Variants in TRMT2A observed in about 807,000 individuals in gnomAD.
The protein encoded by TRMT2A is tRNA methyltransferase 2A, also known as tRNA (uracil-5-)-methyltransferase homolog A.
A neutral mutation model predicts 59.3 loss-of-function variants in TRMT2A; 60 were observed. The ratio of observed to expected loss-of-function variants is 1.01; its 90% CI spans 0.82 to 1.26. TRMT2A has a LOEUF of 1.26. Among genes scored for constraint, TRMT2A ranks in the 50% most tolerant of loss-of-function variants. TRMT2A has a pLI of 0.00. For synonymous variants in TRMT2A, 403 were observed against 353.7 expected (o/e 1.14, Z -1.56); for missense variants, 863 against 845.2 (o/e 1.02, Z -0.26).
rs1416254407 is a variant in TRMT2A, at chr22:20,112,653, C to T, written c.1788G>A (p.Gly596=). ...CTGGAGGGCTGTGGGGCCCCAAGAC[C>T]CCTGTGCCATTGGGGTGCTCCACCC... The part of the protein sequence containing the change: ...FERVEHPNGT[G]VLGPHSPPAQ... The change falls in exon 12 of 12, where the codon GGG becomes GGA. Residue 596 remains glycine (G), a synonymous_variant. Transcript: ENST00000252136. The T allele has an allele frequency of 4.3e-6, 7 of 1,613,984 alleles. No individual in the cohort carries two copies. The highest frequency in any genetic ancestry group is 1.7e-5 in the Admixed American group (1 of 59,998).
intron 2 of TRMT2A, 79 bp from the exon 3 acceptor site, chr22:20,115,859 C>T (rs1308021086): frequency 6.9e-7 from 1 of 1,438,898 alleles, no homozygotes; most frequent in Non-Finnish European, 9.4e-7. Flanking sequence ...AATGTCCAGG[C>T]TCCTGACCCC....
At chr22:20,113,081 C>T (rs775889024) in intron 10 of TRMT2A, 37 bp downstream of exon 10, 19 of 1,610,232 alleles carry the variant, frequency 1.2e-5, no homozygotes, top group African/African-American at 5.3e-5. Flanking sequence ...CATGTGTCCT[C>T]GTTCCCGTGC....
In TRMT2A at chr22:20,116,288, G is replaced by C; in HGVS notation, c.349C>G (p.Arg117Gly). 1 of 1,612,964 alleles carries C rather than the reference G, an allele frequency of 6.2e-7. No homozygotes were observed. The highest frequency in any genetic ancestry group is 8.5e-7 in the Non-Finnish European group (1 of 1,180,028). The change falls in exon 2 of 12, where the codon CGC becomes GGC. Residue 117 changes from arginine to glycine, a missense_variant. By Grantham distance (125) the Arg-to-Gly change is moderately radical. Transcript: ENST00000252136. Reference protein sequence around the residue: ...GQPPCAFVTFRSAAERDKALR... With the variant: ...GQPPCAFVTFGSAAERDKALR... ...GCCTTGTCCCTCTCTGCAGCGCTGC[G>C]GAATGTCACAAAGGCGCAGGGTGGT... is the stretch of plus-strand genomic sequence containing the variant.
intron 9 of TRMT2A, 32 bp downstream of exon 9, chr22:20,113,400 T>TGCCCCCCCC: frequency 5.7e-6 from 6 of 1,049,430 alleles, no homozygotes; most frequent in African/African-American, 1.6e-5. Flanking sequence ...GCTGCCCCCA[T>TGCCCCCCCC]CCCCACCCCC....
At position 20,114,989 on chromosome 22, in the gene TRMT2A, C is replaced by T. The variant is rs770556131; in HGVS notation, c.981G>A (p.Met327Ile). Residue 327 changes from methionine to isoleucine, a missense_variant, in exon 5 of 12, where the codon ATG (methionine) becomes ATA (isoleucine). Coordinates refer to ENST00000252136, the MANE Select transcript of TRMT2A (RefSeq NM_022727.6). Reference protein sequence around the residue: ...TVRTSRRHQAMAIAYFHPQKL... With the variant: ...TVRTSRRHQAIAIAYFHPQKL... ...CCTGGGGGTGGAAGTAGGCAATGGC[C>T]ATGGCCTGGTGGCGGCGGCTGGTGC... 1 of 1,598,064 alleles carries T rather than the reference C, an allele frequency of 6.3e-7. No individual in the cohort carries two copies. Among genetic ancestry groups the T allele is most frequent in the Non-Finnish European group, 8.5e-7 (1 of 1,173,966 alleles).
intron 7 of TRMT2A, 128 bp from the exon 8 acceptor site, chr22:20,113,936 C>G (rs1452333838): frequency 1.5e-6 from 2 of 1,296,946 alleles, no homozygotes; most frequent in East Asian, 5.3e-5. Context: ...CCTTGGTGCC[C>G]AACGTCTTCC....
chr22:20,113,361 T>C (rs1465638869), intron 9 of TRMT2A, 71 bp downstream of exon 9: 2 of 1,555,064 alleles, frequency 1.3e-6, no homozygotes, highest in African/African-American at 2.7e-5. Context: ...AAGCCCTGGC[T>C]GTGGCTGAGG....
In TRMT2A at chr22:20,116,272, C is replaced by T. The variant is rs756841949; in HGVS notation, c.365G>A (p.Arg122Lys). The T allele has an allele frequency of 1.2e-6, 2 of 1,612,996 alleles. No individual in the cohort carries two copies. The highest frequency in any genetic ancestry group is 1.7e-6 in the Non-Finnish European group (2 of 1,180,032). ...AFVTFRSAAERDKALRVLHGA... is the reference protein window; with the variant it reads ...AFVTFRSAAEKDKALRVLHGA... ...ATGCAAAACGCGCAGGGCCTTGTCC[C>T]TCTCTGCAGCGCTGCGGAATGTCAC... Residue 122 changes from arginine (R) to lysine (K), a missense_variant, in exon 2 of 12, where the codon AGG becomes AAG. By Grantham distance (26) the Arg-to-Lys change is conservative. Coordinates refer to ENST00000252136, the MANE Select transcript of TRMT2A (RefSeq NM_022727.6).
chr22:20,115,331 C>T lies in TRMT2A; in HGVS notation c.825G>A (p.Pro275=), dbSNP rs1473431320. 24 of 1,612,680 alleles carry T rather than the reference C, an allele frequency of 1.5e-5. No individual in the cohort carries two copies. Among genetic ancestry groups the T allele is most frequent in the Non-Finnish European group, 1.9e-5 (23 of 1,180,012 alleles). ...YKGGTCAVAA[P]FDTVHIPEAT... Reference sequence around the variant, plus strand: ...CTTCGGGGATGTGCACGGTGTCAAACGGGGCTGCCACAGCACACGTCCCGC... The same window carrying T: ...CTTCGGGGATGTGCACGGTGTCAAATGGGGCTGCCACAGCACACGTCCCGC... Residue 275 remains proline, a synonymous_variant, in exon 4 of 12, where the codon CCG becomes CCA. Transcript: ENST00000252136.
chr22:20,113,374 T>G (rs2049906933), intron 9 of TRMT2A, 58 bp downstream of exon 9: 4 of 1,571,724 alleles, frequency 2.5e-6, no homozygotes, highest in African/African-American at 1.4e-5. Context: ...GGCTGAGGCT[T>G]GCAGCAGGGG....
At position 20,116,985 on chromosome 22, in the gene TRMT2A, A is replaced by G; in HGVS notation, c.-79T>C. 1 of 1,496,194 alleles carries G rather than the reference A, an allele frequency of 6.7e-7. No individual in the cohort carries two copies. Among genetic ancestry groups the G allele is most frequent in the Non-Finnish European group, 9.1e-7 (1 of 1,101,604 alleles). 92.7% of individuals were successfully genotyped at this position (1,496,194 alleles called of 1,614,324 possible). A position where few individuals can be genotyped will look rare whatever the true frequency, so the allele number is the denominator to read the frequency against. ...CCTCGTCCTGGGCCTGTCACAAGGG[A>G]AGTGGCCTGTCACAAGGGAAGTGCT... On this transcript the variant is annotated 5_prime_UTR_variant, in exon 1 of 12. Coordinates refer to ENST00000252136, the MANE Select transcript of TRMT2A (RefSeq NM_022727.6).
chr22:20,113,565 T>C (rs2147955457), intron 8 of TRMT2A, 58 bp from the exon 9 acceptor site: 2 of 1,610,780 alleles, frequency 1.2e-6, no homozygotes, highest in East Asian at 4.5e-5. Flanking sequence ...TGGGGCCCTG[T>C]GGGCAGCAAA....
chr22:20,113,399 A>AGGCCCC, intron 9 of TRMT2A, 33 bp downstream of exon 9: 12 of 713,616 alleles, frequency 1.7e-5, no homozygotes, highest in Non-Finnish European at 2.4e-5. Context: ...GGCTGCCCCC[A>AGGCCCC]TCCCCACCCC....
Position 20,115,055 on chromosome 22 carries a change from G to T in TRMT2A, c.915C>A (p.Asp305Glu). 3 of 1,594,270 alleles carry T rather than the reference G, an allele frequency of 1.9e-6. No homozygotes were observed. The highest frequency in any genetic ancestry group is 2.6e-6 in the Non-Finnish European group (3 of 1,174,772). The change falls in exon 5 of 12, where the codon GAC becomes GAA. Residue 305 changes from aspartate to glutamate, a missense_variant. Transcript: ENST00000252136. The part of the protein sequence containing the change: ...FIRSTPYSAY[D>E]PETYTGHWKQ... ...TCCAGTGGCCTGTGTACGTCTCTGGGTCGTATGCCGAGTATGGAGTGGACC... is the reference window on the plus strand; with the variant it reads ...TCCAGTGGCCTGTGTACGTCTCTGGTTCGTATGCCGAGTATGGAGTGGACC...
rs776291797 is a variant in TRMT2A, at chr22:20,112,734, C to T, written c.1707G>A (p.Val569=). ...KGIPFRPVKA[V]AVDLFPQTPH... ...GGGTCTGCGGGAACAGGTCCACTGCCACAGCCTTGACCGGCCGGAAGGGAA... is the reference window on the plus strand; with the variant it reads ...GGGTCTGCGGGAACAGGTCCACTGCTACAGCCTTGACCGGCCGGAAGGGAA... Residue 569 remains valine (V), a synonymous_variant, in exon 12 of 12, where the codon GTG becomes GTA. Transcript: ENST00000252136. The T allele has an allele frequency of 2.6e-5, 42 of 1,613,806 alleles. No homozygotes were observed. The highest frequency in any genetic ancestry group is 3.5e-5 in the Non-Finnish European group (41 of 1,180,042).
rs149861578 is a variant in TRMT2A, at chr22:20,112,581, C to G, written c.1860G>C (p.Gly620=). The G allele has an allele frequency of 8.1e-5, 130 of 1,613,828 alleles. No individual in the cohort carries two copies. Among genetic ancestry groups the G allele is most frequent in the Non-Finnish European group, 1.1e-4 (125 of 1,180,006 alleles). The part of the protein sequence containing the change: ...GPPDNTLQET[G]TFPSS ...CCTGGGCCTAGGATGAGGGGAAGGT[C>G]CCAGTTTCTTGTAGGGTGTTATCTG... Residue 620 remains glycine, a synonymous_variant, in exon 12 of 12, where the codon GGG becomes GGC. Coordinates refer to ENST00000252136, the MANE Select transcript of TRMT2A (RefSeq NM_022727.6).
chr22:20,116,053 A>G lies in TRMT2A; in HGVS notation c.584T>C (p.Leu195Pro). The change falls in exon 2 of 12, where the codon CTG becomes CCG. Residue 195 changes from leucine to proline, a missense_variant. By Grantham distance (98) the Leu-to-Pro change is moderately conservative (BLOSUM62 -3). Coordinates refer to ENST00000252136, the MANE Select transcript of TRMT2A (RefSeq NM_022727.6). ...CCACACTCACTTGGCAAGTTTCTGC[A>G]GCACCTGCTCGCACTCCAGCTGCTT... ...ERKQLECEQV[L>P]QKLAKEIGST... 6.4e-7 allele frequency: 1 copy of G among 1,561,010 alleles called. No individual in the cohort carries two copies. Among genetic ancestry groups the G allele is most frequent in the Non-Finnish European group, 8.7e-7 (1 of 1,149,864 alleles).
At chr22:20,113,043 A>G (rs1390454171) in intron 10 of TRMT2A, 36 bp from the exon 11 acceptor site, 1 of 1,612,888 alleles carries the variant, frequency 6.2e-7, no homozygotes. Flanking sequence ...CCCCACAGCC[A>G]GAGAGTGCAT....
At position 20,116,524 on chromosome 22, in the gene TRMT2A, G is replaced by A; in HGVS notation, c.113C>T (p.Ala38Val). The A allele has an allele frequency of 6.2e-7, 1 of 1,608,044 alleles. No homozygotes were observed. Among genetic ancestry groups the A allele is most frequent in the Non-Finnish European group, 8.5e-7 (1 of 1,178,316 alleles). The change falls in exon 2 of 12, where the codon GCC becomes GTC. Residue 38 changes from alanine (A) to valine (V), a missense_variant. By Grantham distance (64) the Ala-to-Val change is moderately conservative. Transcript: ENST00000252136. Reference sequence around the variant, plus strand: ...GCCCTCTTTCTCCACCTCCTCCAGGGCTGCCGGGGCTGCAGGGGGCACCGA... The same window carrying A: ...GCCCTCTTTCTCCACCTCCTCCAGGACTGCCGGGGCTGCAGGGGGCACCGA... ...TVSVPPAAPA[A>V]LEEVEKEGAG...
Sources: gnomAD v4.1 joint callset for allele counts on GRCh38, gnomAD v4.1.1 for gene constraint, MANE v1.5 for transcripts, NCBI Gene and HGNC (gene_info 2026-07-23, HGNC 2026-07-21) for gene names.